The following VPS8 variants were observed in gnomAD, a reference collection of about 807,000 sequenced individuals.
VPS8 encodes the protein VPS8 subunit of CORVET complex.
VPS8 carries 129 observed loss-of-function variants against 216.4 expected under a neutral mutation model. The ratio of observed to expected loss-of-function variants is 0.60; its 90% CI spans 0.52 to 0.69. The LOEUF is 0.69. Among genes scored for constraint, VPS8 ranks in the 30% least tolerant of loss-of-function variants. The pLI is 0.00. For synonymous variants in VPS8, 571 were observed against 565.4 expected (o/e 1.01, Z -0.14); for missense variants, 1,531 against 1,683.5 (o/e 0.91, Z 1.59).
chr3:184,836,495 C>T lies in VPS8; in HGVS notation c.447+1753C>T, dbSNP rs188061191. On this transcript the variant is annotated intron_variant, in intron 5 of 47. Transcript: ENST00000625842. Reference sequence around the variant, plus strand: ...TTATTTAAAAGGAGTTCTCCTTCCCCTTGAAGAGGAGGGGAAATTCTAATA... The same window carrying T: ...TTATTTAAAAGGAGTTCTCCTTCCCTTTGAAGAGGAGGGGAAATTCTAATA... 5.4e-3 allele frequency among the ~76,000 whole-genome samples: 817 copies of T among 152,274 alleles called. 9 individuals carry two copies. Among genetic ancestry groups the T allele is most frequent in the South Asian group, 0.032 (153 of 4,814 alleles).
intron 21 of VPS8, among the ~76,000 whole-genome samples, chr3:184,876,551 G>T (rs1284159005): frequency 1.3e-5 from 2 of 152,106 alleles, no homozygotes; most frequent in Non-Finnish European, 2.9e-5. Flanking sequence ...GAATTCTGAG[G>T]TCTATAGAGT....
At chr3:184,967,922 G>T (rs1384561616) in intron 39 of VPS8, among the ~76,000 whole-genome samples, 10 of 151,638 alleles carry the variant, frequency 6.6e-5, no homozygotes, top group African/African-American at 2.4e-4. Context: ...TGAGTATACA[G>T]TTCAGTAGCA....
chr3:184,873,663 T>G (rs74440641), intron 21 of VPS8, among the ~76,000 whole-genome samples: 5,607 of 152,222 alleles, frequency 0.037, 351 homozygotes, highest in African/African-American at 0.13. Flanking sequence ...ATGCTCCTCA[T>G]TTTGACTCCA....
intron 42 of VPS8, among the ~76,000 whole-genome samples, chr3:184,983,711 G>A (rs1413255794): frequency 6.6e-6 from 1 of 152,000 alleles, no homozygotes; most frequent in African/African-American, 2.4e-5. Flanking sequence ...GAAACAACAG[G>A]AATTATACTT....
At chr3:185,051,321 G>T (rs1714187579) in intron 47 of VPS8, among the ~76,000 whole-genome samples, 1 of 152,252 alleles carries the variant, frequency 6.6e-6, no homozygotes, top group East Asian at 1.9e-4. Flanking sequence ...GAAGGAGAAG[G>T]TAGAATCCAG....
At chr3:184,929,068 T>C (rs1740214951) in intron 32 of VPS8, among the ~76,000 whole-genome samples, 1 of 152,242 alleles carries the variant, frequency 6.6e-6, no homozygotes. Context: ...GCATTGAAAT[T>C]TTTTATAAAC....
intron 42 of VPS8, among the ~76,000 whole-genome samples, chr3:184,986,005 C>A (rs951936300): frequency 2.0e-5 from 3 of 152,198 alleles, no homozygotes; most frequent in Non-Finnish European, 4.4e-5. Flanking sequence ...CAGCATTCCT[C>A]TTCTTAGATC....
At chr3:184,856,818 A>G (rs527835871) in intron 14 of VPS8, among the ~76,000 whole-genome samples, 23 of 152,204 alleles carry the variant, frequency 1.5e-4, no homozygotes, top group African/African-American at 4.1e-4. Flanking sequence ...CATGATTAAC[A>G]TGACCTTCCC....
intron 1 of VPS8, among the ~76,000 whole-genome samples, chr3:184,818,471 G>A (rs571583572): frequency 6.0e-5 from 9 of 149,702 alleles, no homozygotes; most frequent in Non-Finnish European, 8.9e-5. Flanking sequence ...GTAATGAGCC[G>A]AGCTTATGCC....
At chr3:184,838,067 A>T (rs181614290) in intron 5 of VPS8, among the ~76,000 whole-genome samples, 1 of 152,312 alleles carries the variant, frequency 6.6e-6, no homozygotes, top group Admixed American at 6.5e-5. Flanking sequence ...GATTCTTCAC[A>T]TTTAATTTGA....
rs756370594 is a variant in VPS8 at position 184,971,708 on chromosome 3, C to G, written c.3376C>G (p.Leu1126Val). The change falls in exon 40 of 48, where the codon CTT (leucine) becomes GTT (valine). Residue 1126 changes from leucine to valine, a missense_variant. Leu to Val is a conservative substitution (Grantham distance 32). This residue lies in a region of VPS8 where 1,318 missense variants were observed against 1,468.4 expected (regional missense o/e 0.90). Coordinates refer to ENST00000625842, the MANE Select transcript of VPS8 (RefSeq NM_001009921.3). ...AGATACTATGGTGGAGACCATTGCT[C>G]TTTGCCAGAGAAATTCACATAATTT... ...VEDTMVETIA[L>V]CQRNSHNLNQ... The G allele has an allele frequency of 2.5e-6, 4 of 1,613,522 alleles. No individual in the cohort carries two copies. Among genetic ancestry groups the G allele is most frequent in the Non-Finnish European group, 3.4e-6 (4 of 1,179,618 alleles).
chr3:184,829,725 T>A (rs1339778858), intron 3 of VPS8, among the ~76,000 whole-genome samples: 1 of 152,212 alleles, frequency 6.6e-6, no homozygotes, highest in Non-Finnish European at 1.5e-5. Flanking sequence ...CTTAAAAGAT[T>A]TGTAGTGCTA....
intron 45 of VPS8, among the ~76,000 whole-genome samples, chr3:185,003,419 A>G (rs1400333597): frequency 6.9e-6 from 1 of 144,858 alleles, no homozygotes; most frequent in African/African-American, 2.6e-5. Flanking sequence ...CCCTTAATCC[A>G]TTTAACCCTG....
At chr3:184,924,455 T>A (rs1457008266) in intron 29 of VPS8, among the ~76,000 whole-genome samples, 1 of 151,926 alleles carries the variant, frequency 6.6e-6, no homozygotes. Flanking sequence ...AGGTGGAGGT[T>A]GCAGTGAGCC....
intron 25 of VPS8, 164 bp downstream of exon 25, chr3:184,901,136 C>A: frequency 4.7e-6 from 3 of 641,740 alleles, no homozygotes; most frequent in East Asian, 3.0e-5. Flanking sequence ...TAGCTTCTCA[C>A]ACTAAAAAGT....
rs539816410 is a variant in VPS8 at position 184,830,795 on chromosome 3, T to G, written c.223-1894T>G. On this transcript the variant is annotated intron_variant, in intron 3 of 47. Coordinates refer to ENST00000625842, the MANE Select transcript of VPS8 (RefSeq NM_001009921.3). ...TTTCCTACAGCAATCGTTCCAATCT[T>G]TATAGCACTTAAGCAACATAATGTC... Among the ~76,000 whole-genome samples the G allele has an allele frequency of 3.9e-5, 6 of 152,340 alleles. No individual in the cohort carries two copies. In the East Asian group the frequency reaches 1.2e-3, roughly 29 times the overall value.
chr3:184,997,910 TC>T (rs1752831104), intron 44 of VPS8, among the ~76,000 whole-genome samples: 1 of 152,118 alleles, frequency 6.6e-6, no homozygotes, highest in Non-Finnish European at 1.5e-5. Context: ...AGGAAAGCCT[TC>T]TTGTTTAAGT....
chr3:184,937,968 T>G (rs1241593814), intron 35 of VPS8, among the ~76,000 whole-genome samples: 3 of 152,170 alleles, frequency 2.0e-5, no homozygotes, highest in Non-Finnish European at 4.4e-5. Context: ...ATTATTGAAG[T>G]TCTTTAAAGC....
chr3:184,825,686 G>C, intron 2 of VPS8, among the ~76,000 whole-genome samples: 1 of 152,140 alleles, frequency 6.6e-6, no homozygotes. Context: ...TGGATCACTT[G>C]AGGTCAGGAG....
Sources: allele counts gnomAD v4.1 joint callset (sites outside exome capture counted in the v4.1 genomes callset), GRCh38; gene constraint gnomAD v4.1.1; regional missense constraint gnomAD v4.1.1; transcripts MANE v1.5; gene names NCBI Gene and HGNC (gene_info 2026-07-23, HGNC 2026-07-21).